TRAF7: variants seen among roughly 807,000 people sequenced by gnomAD.
TRAF7 encodes the protein E3 ubiquitin-protein ligase TRAF7.
In TRAF7, 45 loss-of-function variants were observed where a neutral mutation model predicts 89.3. The ratio of observed to expected loss-of-function variants is 0.50; its 90% CI spans 0.40 to 0.65. The LOEUF (loss-of-function observed/expected upper bound fraction) is 0.65, where lower values mean the gene tolerates loss of function less well. TRAF7 is among the 30% of genes least tolerant of loss of function. TRAF7 has a pLI of 0.00. For synonymous variants in TRAF7, 406 were observed against 369.2 expected, an observed-to-expected ratio of 1.10 and a Z score of -1.14; for missense variants, 677 against 918.1, an observed-to-expected ratio of 0.74 and a Z score of 3.39.
At chr16:2,170,911 T>G (rs557052433) in intron 5 of TRAF7, among the ~76,000 whole-genome samples, 181 bp downstream of exon 5, 1 of 152,314 alleles carries the variant, frequency 6.6e-6, no homozygotes, top group South Asian at 2.1e-4. Flanking sequence ...CCGGGTCCCC[T>G]GGGCATGTTC....
chr16:2,157,865 G>A lies in TRAF7; in HGVS notation c.-39+2007G>A, dbSNP rs376943033. On this transcript the variant is annotated intron_variant, in intron 1 of 20. Coordinates refer to ENST00000326181, the MANE Select transcript of TRAF7 (RefSeq NM_032271.3). The stretch of plus-strand genomic sequence containing the variant: ...AGCCTGCTGGCTGTGTCCCTGGGCC[G>A]GCCTCTCCGCCTTCCTCAGCCTCCA... Among the ~76,000 whole-genome samples, 13 of 152,296 alleles carry A rather than the reference G, an allele frequency of 8.5e-5. No homozygotes were observed. The East Asian group carries it at 1.9e-3, about 23-fold the overall frequency.
Position 2,170,661 on chromosome 16 carries a change from C to T in TRAF7, c.279C>T (p.Arg93=). The T allele has an allele frequency of 1.9e-6, 3 of 1,610,430 alleles. No individual in the cohort carries two copies. Among genetic ancestry groups the T allele is most frequent in the Middle Eastern group, 3.3e-4 (2 of 6,058 alleles). The change falls in exon 5 of 21, where the codon CGC becomes CGT. Residue 93 remains arginine, a synonymous_variant. Transcript: ENST00000326181. ...PRRSDSAISV[R]SLHSESSMSL... is the part of the protein sequence containing the mutation. ...GCTCCGACTCCGCCATCTCTGTCCG[C>T]TCCCTGCACTCAGAGTCCAGCATGT...
At chr16:2,176,503 G>A in intron 20 of TRAF7, 57 bp from the exon 21 acceptor site, 1 of 1,612,890 alleles carries the variant, frequency 6.2e-7, no homozygotes, top group Non-Finnish European at 8.5e-7. Context: ...GGCAGGTGTG[G>A]CTGGGGCAGG....
chr16:2,173,859 T>TCCCCCCCCCCCCCCCCCCCCCCCCC, intron 12 of TRAF7, 23 bp downstream of exon 12: 4 of 1,246,254 alleles, frequency 3.2e-6, no homozygotes, highest in East Asian at 3.2e-5. Flanking sequence ...CCGCCGTGGC[T>TCCCCCCCCCCCCCCCCCCCCCCCCC]CCCGCCCACC....
At position 2,159,391 on chromosome 16, in the gene TRAF7, C is replaced by T. The variant is rs759880844; in HGVS notation, c.-39+3533C>T. ...CCTAAGGACCAAGGCTGGCAGAGGCCGGGGCACCCCAGGAGCCTTCGACGT... is the reference window on the plus strand; with the variant it reads ...CCTAAGGACCAAGGCTGGCAGAGGCTGGGGCACCCCAGGAGCCTTCGACGT... On this transcript the variant is annotated intron_variant, in intron 1 of 20. Transcript: ENST00000326181. This position sits in a 1 kb window ranked among gnomAD's most constrained non-coding sequence, Gnocchi z 6.5. Among the ~76,000 whole-genome samples the T allele has an allele frequency of 1.5e-4, 23 of 152,284 alleles. No individual in the cohort carries two copies. The highest frequency in any genetic ancestry group is 2.5e-4 in the Non-Finnish European group (17 of 68,004).
At position 2,162,860 on chromosome 16, in the gene TRAF7, A is replaced by G. The variant is rs1402569100; in HGVS notation, c.-38-1023A>G. Among the ~76,000 whole-genome samples, 2 of 152,064 alleles carry G rather than the reference A, an allele frequency of 1.3e-5. No individual in the cohort carries two copies. The highest frequency in any genetic ancestry group is 3.8e-4 in the East Asian group (2 of 5,196). ...GCGCTATCCGCTGCCAGCAGGAGAC[A>G]GGGCTGTCCCAGCTGCATTCTGCCA... On this transcript the variant is annotated intron_variant, in intron 1 of 20. Coordinates refer to ENST00000326181, the MANE Select transcript of TRAF7 (RefSeq NM_032271.3). This position sits in a 1 kb window ranked among gnomAD's most constrained non-coding sequence, Gnocchi z 5.0.
At chr16:2,157,995 C>G (rs1190980710) in intron 1 of TRAF7, among the ~76,000 whole-genome samples, 1 of 152,138 alleles carries the variant, frequency 6.6e-6, no homozygotes, top group Admixed American at 6.5e-5. Context: ...TTCCGTTTTT[C>G]GAGAAGCCCG....
rs560884142 is a variant in TRAF7, at chr16:2,161,714, C to T, written c.-38-2169C>T. ...CTGAACCTCCTGTGCCGAGTCATGG[C>T]GCCCTGCACTTCAGGCTATCAGGGC... On this transcript the variant is annotated intron_variant, in intron 1 of 20. Transcript: ENST00000326181. This position sits in a 1 kb window ranked among gnomAD's most constrained non-coding sequence, Gnocchi z 5.2. Among the ~76,000 whole-genome samples, 5 of 152,322 alleles carry T rather than the reference C, an allele frequency of 3.3e-5. No individual in the cohort carries two copies. The highest frequency in any genetic ancestry group is 1.9e-4 in the East Asian group (1 of 5,170).
Position 2,163,805 on chromosome 16 carries a change from C to A in TRAF7, c.-38-78C>A. 1.0e-6 allele frequency: 1 copy of A among 969,478 alleles called. No homozygotes were observed. The highest frequency in any genetic ancestry group is 1.6e-6 in the Non-Finnish European group (1 of 623,434). 60.1% of individuals were successfully genotyped at this position (969,478 alleles called of 1,614,324 possible). A position where few individuals can be genotyped will look rare whatever the true frequency, so the allele number is the denominator to read the frequency against. On this transcript the variant is annotated intron_variant, in intron 1 of 20. Transcript: ENST00000326181. The surrounding 1 kb of genome is among the most constrained non-coding windows in gnomAD (Gnocchi z 4.3). ...CCCACGGTGCCCCACAGCAGGTCTG[C>A]ACACTTGCAGCAGCCCGTCTGACTC... is the stretch of plus-strand genomic sequence containing the variant.
chr16:2,174,837 G>A (rs1472964582), intron 14 of TRAF7, among the ~76,000 whole-genome samples: 1 of 152,214 alleles, frequency 6.6e-6, no homozygotes, highest in Non-Finnish European at 1.5e-5. Context: ...GCCAGCAGCC[G>A]GCCCTGGGAC....
intron 1 of TRAF7, among the ~76,000 whole-genome samples, chr16:2,157,561 C>T (rs145224933): frequency 1.0e-3 from 158 of 152,336 alleles, no homozygotes; most frequent in African/African-American, 3.7e-3. Context: ...GGGTCAGATT[C>T]GTGTTCAGCC....
intron 16 of TRAF7, 40 bp from the exon 17 acceptor site, chr16:2,175,460 C>T (rs2141294359): frequency 1.2e-6 from 2 of 1,612,350 alleles, no homozygotes; most frequent in South Asian, 1.1e-5. Context: ...ACTGAGGCGT[C>T]CCTTGCCCGC....
In TRAF7 at chr16:2,168,828, C is replaced by T. The variant is rs1382736249; in HGVS notation, c.231+660C>T. On this transcript the variant is annotated intron_variant, in intron 4 of 20. Transcript: ENST00000326181. The surrounding 1 kb of genome is among the most constrained non-coding windows in gnomAD (Gnocchi z 4.1). Reference sequence around the variant, plus strand: ...GCTCATTGCTGGGCTCTGGGCCTACCCAGGGGACAGAGGCCAACTCTACCC... The same window carrying T: ...GCTCATTGCTGGGCTCTGGGCCTACTCAGGGGACAGAGGCCAACTCTACCC... Among the ~76,000 whole-genome samples, 1 of 151,848 alleles carries T rather than the reference C, an allele frequency of 6.6e-6. No individual in the cohort carries two copies. Among genetic ancestry groups the T allele is most frequent in the Non-Finnish European group, 1.5e-5 (1 of 67,962 alleles).
At chr16:2,173,108 T>G in intron 9 of TRAF7, 74 bp from the exon 10 acceptor site, 29 of 1,399,414 alleles carry the variant, frequency 2.1e-5, no homozygotes, top group Non-Finnish European at 2.5e-5. Context: ...GGCTGGAGCA[T>G]TTGAGGGGGA....
At position 2,160,156 on chromosome 16, in the gene TRAF7, G is replaced by A. The variant is rs536021819; in HGVS notation, c.-38-3727G>A. Among the ~76,000 whole-genome samples, 579 of 152,158 alleles carry A rather than the reference G, an allele frequency of 3.8e-3. 4 individuals are homozygous for A. Among genetic ancestry groups the A allele is most frequent in the Non-Finnish European group, 7.1e-3 (484 of 67,964 alleles). On this transcript the variant is annotated intron_variant, in intron 1 of 20. Transcript: ENST00000326181. The stretch of plus-strand genomic sequence containing the variant: ...CCCAGGGCCCCGGAATCCCTCCTAC[G>A]TGAATGTGGGGTGGACAAAGACCCT...
intron 2 of TRAF7, 106 bp from the exon 3 acceptor site, chr16:2,165,773 T>TGCGTG: frequency 7.7e-7 from 1 of 1,302,782 alleles, no homozygotes; most frequent in Non-Finnish European, 1.1e-6. Context: ...GTGTGAGTGC[T>TGCGTG]GCGTGGCCTG....
At chr16:2,173,727 G>A in intron 11 of TRAF7, 61 bp from the exon 12 acceptor site, 1 of 1,601,890 alleles carries the variant, frequency 6.2e-7, no homozygotes, top group African/African-American at 1.3e-5. Context: ...GGGCAGAGAG[G>A]CTGCACTGGC....
At position 2,168,213 on chromosome 16, in the gene TRAF7, C is replaced by G. The variant is rs769847642; in HGVS notation, c.231+45C>G. The stretch of plus-strand genomic sequence containing the variant: ...AGCCCGTGTGAGCCTCAGCCTCCCC[C>G]CATCCTCCCTCCTGGGGGAACCAGG... On this transcript the variant is annotated intron_variant, in intron 4 of 20. Transcript: ENST00000326181. The surrounding 1 kb of genome is among the most constrained non-coding windows in gnomAD (Gnocchi z 4.1). 1.2e-5 allele frequency: 18 copies of G among 1,529,882 alleles called. No individual in the cohort carries two copies. The highest frequency in any genetic ancestry group is 9.6e-5 in the African/African-American group (7 of 72,838). 94.8% of individuals were successfully genotyped at this position (1,529,882 alleles called of 1,614,324 possible).
chr16:2,170,666 T>C lies in TRAF7; in HGVS notation c.284T>C (p.Leu95Pro), dbSNP rs1555466307. The C allele has an allele frequency of 6.2e-7, 1 of 1,610,226 alleles. No homozygotes were observed. The highest frequency in any genetic ancestry group is 1.7e-5 in the Admixed American group (1 of 59,904). The change falls in exon 5 of 21, where the codon CTG becomes CCG. Residue 95 changes from leucine (L) to proline (P), a missense_variant. Around this residue, in one of 6 missense-constraint regions of TRAF7, gnomAD observed 240 missense variants for 191.9 expected, o/e 1.25. Transcript: ENST00000326181. ...GACTCCGCCATCTCTGTCCGCTCCC[T>C]GCACTCAGAGTCCAGCATGTCTCTG... is the stretch of plus-strand genomic sequence containing the variant. ...RSDSAISVRS[L>P]HSESSMSLRS...
Sources: allele counts gnomAD v4.1 joint callset (sites outside exome capture counted in the v4.1 genomes callset), GRCh38; gene constraint gnomAD v4.1.1; regional missense constraint gnomAD v4.1.1; non-coding constraint Gnocchi (gnomAD v3.1); transcripts MANE v1.5; gene names NCBI Gene and HGNC (gene_info 2026-07-23, HGNC 2026-07-21).